Variants in GTSE1 observed in about 807,000 individuals in gnomAD.
GTSE1 encodes the protein G2 and S-phase expressed 1.
Under a neutral mutation model 60.5 loss-of-function variants are expected in GTSE1, and 52 were observed. The observed-to-expected ratio is 0.86, with a 90% confidence interval of 0.69 to 1.08. The LOEUF is 1.08. Among genes scored for constraint, GTSE1 ranks in the 50% least tolerant of loss-of-function variants. The probability of loss-of-function intolerance (pLI) is 0.00; values close to 1 mark genes in which losing one functional copy is unlikely to be tolerated. For synonymous variants in GTSE1, 368 were observed against 386.5 expected, an observed-to-expected ratio of 0.95 and a Z score of 0.56; for missense variants, 937 against 961.8, an observed-to-expected ratio of 0.97 and a Z score of 0.34.
At chr22:46,326,306 A>G in intron 8 of GTSE1, 130 bp from the exon 9 acceptor site, 1 of 699,100 alleles carries the variant, frequency 1.4e-6, no homozygotes, top group Non-Finnish European at 2.3e-6. Context: ...CGGAGCTCAC[A>G]CGGGCTCCCT....
rs945990548 is a variant in GTSE1 at position 46,309,070 on chromosome 22, C to T, written c.762+127C>T. ...CTGAGGCCTACAAAACACAGGAATG[C>T]GGAGTCCAGGAAAAGCAGTTGCCAA... On this transcript the variant is annotated intron_variant, in intron 4 of 11. Coordinates refer to ENST00000454366, the MANE Select transcript of GTSE1 (RefSeq NM_016426.7). The surrounding 1 kb of genome is among the most constrained non-coding windows in gnomAD (Gnocchi z 6.2). 14 of 1,072,350 alleles carry T rather than the reference C, an allele frequency of 1.3e-5. No individual in the cohort carries two copies. The highest frequency in any genetic ancestry group is 5.8e-5 in the Admixed American group (2 of 34,732). The allele number at this position is 1,072,350 out of a possible 1,614,324, so 66.4% of individuals were successfully genotyped here. A position where few individuals can be genotyped will look rare whatever the true frequency, so the allele number is the denominator to read the frequency against.
In GTSE1 at chr22:46,310,085, G is replaced by A. The variant is rs2077739911; in HGVS notation, c.762+1142G>A. Among the ~76,000 whole-genome samples, 1 of 152,230 alleles carries A rather than the reference G, an allele frequency of 6.6e-6. No individual in the cohort carries two copies. The highest frequency in any genetic ancestry group is 2.4e-5 in the African/African-American group (1 of 41,462). Reference sequence around the variant, plus strand: ...GTCCGCACAGCTGAGATGCACTCATGCACACGTGGGAGCCCCACCATGTCC... The same window carrying A: ...GTCCGCACAGCTGAGATGCACTCATACACACGTGGGAGCCCCACCATGTCC... On this transcript the variant is annotated intron_variant, in intron 4 of 11. Coordinates refer to ENST00000454366, the MANE Select transcript of GTSE1 (RefSeq NM_016426.7). The surrounding 1 kb of genome is among the most constrained non-coding windows in gnomAD (Gnocchi z 4.4).
At position 46,317,002 on chromosome 22, in the gene GTSE1, C is replaced by T. The variant is rs1601911214; in HGVS notation, c.1432+590C>T. Reference sequence around the variant, plus strand: ...TTTGAGACGGAGTCTCGCTCTGTCACCCAGGGTGGAATGCAGTGGCGCGAT... The same window carrying T: ...TTTGAGACGGAGTCTCGCTCTGTCATCCAGGGTGGAATGCAGTGGCGCGAT... On this transcript the variant is annotated intron_variant, in intron 7 of 11. Transcript: ENST00000454366. This position sits in a 1 kb window ranked among gnomAD's most constrained non-coding sequence, Gnocchi z 5.6. Among the ~76,000 whole-genome samples, 1 of 151,734 alleles carries T rather than the reference C, an allele frequency of 6.6e-6. No individual in the cohort carries two copies. The highest frequency in any genetic ancestry group is 1.5e-5 in the Non-Finnish European group (1 of 67,986).
intron 2 of GTSE1, among the ~76,000 whole-genome samples, chr22:46,302,063 T>A (rs1364253079): frequency 6.6e-6 from 1 of 152,082 alleles, no homozygotes; most frequent in Non-Finnish European, 1.5e-5. Flanking sequence ...AGGCAGAGGT[T>A]GCGGTGAGCC....
chr22:46,302,169 A>G (rs1464172896), intron 2 of GTSE1, among the ~76,000 whole-genome samples: 1 of 152,038 alleles, frequency 6.6e-6, no homozygotes, highest in Admixed American at 6.6e-5. Context: ...GTTTTGTTTT[A>G]TTTTCTGTGA....
In GTSE1 at chr22:46,313,746, A is replaced by G; in HGVS notation, c.928-144A>G. 1 of 747,834 alleles carries G rather than the reference A, an allele frequency of 1.3e-6. No individual in the cohort carries two copies. 46.3% of individuals were successfully genotyped at this position (747,834 alleles called of 1,614,324 possible). A position where few individuals can be genotyped will look rare whatever the true frequency, so the allele number is the denominator to read the frequency against. The stretch of plus-strand genomic sequence containing the variant: ...CTGGTCTCAAACTCCTGACCTTGTG[A>G]TCCTCCGGCCTCAGCCTCCCAAAGT... On this transcript the variant is annotated intron_variant, in intron 5 of 11. Coordinates refer to ENST00000454366, the MANE Select transcript of GTSE1 (RefSeq NM_016426.7). The surrounding 1 kb of genome is among the most constrained non-coding windows in gnomAD (Gnocchi z 4.4).
Position 46,297,194 on chromosome 22 carries a change from G to T in GTSE1, c.-21-186G>T, listed in dbSNP as rs1275586847. Reference sequence around the variant, plus strand: ...TCTGATGGCGTTCGGGCTGACTCCCGGCCTGGCGGCACTCGGGCCCTGGGG... The same window carrying T: ...TCTGATGGCGTTCGGGCTGACTCCCTGCCTGGCGGCACTCGGGCCCTGGGG... On this transcript the variant is annotated intron_variant, in intron 1 of 11. Coordinates refer to ENST00000454366, the MANE Select transcript of GTSE1 (RefSeq NM_016426.7). This position sits in a 1 kb window ranked among gnomAD's most constrained non-coding sequence, Gnocchi z 4.9. Among the ~76,000 whole-genome samples the T allele has an allele frequency of 6.6e-6, 1 of 152,208 alleles. No homozygotes were observed. Among genetic ancestry groups the T allele is most frequent in the Non-Finnish European group, 1.5e-5 (1 of 68,030 alleles).
At position 46,319,153 on chromosome 22, in the gene GTSE1, GTAA is replaced by G. The variant is rs754452210; in HGVS notation, c.1432+2742_1432+2744del. 2.0e-5 allele frequency among the ~76,000 whole-genome samples: 3 copies of G among 152,206 alleles called. No homozygotes were observed. The highest frequency in any genetic ancestry group is 4.4e-5 in the Non-Finnish European group (3 of 68,032). On this transcript the variant is annotated intron_variant, in intron 7 of 11. Coordinates refer to ENST00000454366, the MANE Select transcript of GTSE1 (RefSeq NM_016426.7). This position sits in a 1 kb window ranked among gnomAD's most constrained non-coding sequence, Gnocchi z 5.0. ...AGCCAGTCAGTGACCGAGGGGCAGG[GTAA>G]GAAGAGATGAAGATGGAGGGGCAGC...
chr22:46,307,275 A>C (rs900236670), intron 2 of GTSE1, among the ~76,000 whole-genome samples: 2 of 152,202 alleles, frequency 1.3e-5, no homozygotes, highest in African/African-American at 4.8e-5. Context: ...CATTTGAGTA[A>C]TATTAAATTC....
chr22:46,300,323 C>T (rs762153018), intron 2 of GTSE1, among the ~76,000 whole-genome samples: 10 of 152,120 alleles, frequency 6.6e-5, no homozygotes, highest in Admixed American at 2.0e-4. Flanking sequence ...GTCTCGAACT[C>T]GACCTCAAGT....
chr22:46,326,655 G>A lies in GTSE1; in HGVS notation c.1724+1G>A. The A allele has an allele frequency of 6.3e-7, 1 of 1,592,808 alleles. No homozygotes were observed. The highest frequency in any genetic ancestry group is 8.6e-7 in the Non-Finnish European group (1 of 1,165,546). On this transcript the variant is annotated splice_donor_variant, in intron 9 of 11. Transcript: ENST00000454366. LOFTEE classifies it high-confidence loss of function. Reference sequence around the variant, plus strand: ...AGCCCCGCAAGAACTCTGCAATGAGGTAAGACACGAAGGTGGTAATAAATT... The same window carrying A: ...AGCCCCGCAAGAACTCTGCAATGAGATAAGACACGAAGGTGGTAATAAATT...
chr22:46,330,213 G>A lies in GTSE1; in HGVS notation c.*83G>A. The A allele has an allele frequency of 2.4e-6, 2 of 826,560 alleles. No individual in the cohort carries two copies. Among genetic ancestry groups the A allele is most frequent in the Non-Finnish European group, 4.2e-6 (2 of 473,164 alleles). 51.2% of individuals were successfully genotyped at this position (826,560 alleles called of 1,614,324 possible). ...AAACAAGCTTTAGGCTGGTCGCAGT[G>A]GCTTACACTTGTAACCCTAGAACTT... On this transcript the variant is annotated 3_prime_UTR_variant, in exon 12 of 12. Transcript: ENST00000454366. This position sits in a 1 kb window ranked among gnomAD's most constrained non-coding sequence, Gnocchi z 6.0.
chr22:46,326,765 T>G, intron 9 of GTSE1, 111 bp downstream of exon 9: 1 of 678,682 alleles, frequency 1.5e-6, no homozygotes, highest in East Asian at 2.9e-5. Context: ...GTAAATAGTA[T>G]TTGGAAAGTT....
chr22:46,308,914 G>A lies in GTSE1; in HGVS notation c.733G>A (p.Gly245Arg), dbSNP rs748370009. ...GCTGCCTCGAGCGGCCTCTGTTAGAGGAAGAAGCATCCCTGGGGCTGCGGA... is the reference window on the plus strand; with the variant it reads ...GCTGCCTCGAGCGGCCTCTGTTAGAAGAAGAAGCATCCCTGGGGCTGCGGA... Reference protein sequence around the residue: ...LLLPRAASVRGRSIPGAAEKP... With the variant: ...LLLPRAASVRRRSIPGAAEKP... Residue 245 changes from glycine (G) to arginine (R), a missense_variant, in exon 4 of 12, where the codon GGA (glycine) becomes AGA (arginine). Physicochemically the swap from Gly to Arg is moderately radical, Grantham distance 125. Transcript: ENST00000454366. 1 of 1,612,464 alleles carries A rather than the reference G, an allele frequency of 6.2e-7. No homozygotes were observed. Among genetic ancestry groups the A allele is most frequent in the African/African-American group, 1.3e-5 (1 of 75,064 alleles).
chr22:46,308,335 GA>G lies in GTSE1; in HGVS notation c.156del (p.Val53SerfsTer19). 1 of 1,612,714 alleles carries G rather than the reference GA, an allele frequency of 6.2e-7. No individual in the cohort carries two copies. Among genetic ancestry groups the G allele is most frequent in the Non-Finnish European group, 8.5e-7 (1 of 1,178,826 alleles). On this transcript the variant is annotated frameshift_variant, in exon 4 of 12. Coordinates refer to ENST00000454366, the MANE Select transcript of GTSE1 (RefSeq NM_016426.7). LOFTEE classifies it high-confidence loss of function. Reference sequence around the variant, plus strand: ...AACAAATAGTGCAAATGAAGATGATGAAGTCTTCTTCGGACCCTTTGGACAT... The same window carrying G: ...AACAAATAGTGCAAATGAAGATGATGAGTCTTCTTCGGACCCTTTGGACAT... ...LSSSSANEDD[E>X]VFFGPFGHKE...
At chr22:46,311,343 G>A (rs969660001) in intron 4 of GTSE1, among the ~76,000 whole-genome samples, 2 of 152,224 alleles carry the variant, frequency 1.3e-5, no homozygotes, top group African/African-American at 2.4e-5. Flanking sequence ...CTCACAAAGT[G>A]CTGGGATTAC....
intron 2 of GTSE1, among the ~76,000 whole-genome samples, chr22:46,302,878 A>AT (rs2077696743): frequency 7.3e-6 from 1 of 136,488 alleles, no homozygotes; most frequent in African/African-American, 2.7e-5. Flanking sequence ...TTTTAATACC[A>AT]TTTTTTCACT....
In GTSE1 at chr22:46,313,983, A is replaced by G. The variant is rs984530855; in HGVS notation, c.1021A>G (p.Ser341Gly). 6.2e-7 allele frequency: 1 copy of G among 1,614,066 alleles called. No individual in the cohort carries two copies. The highest frequency in any genetic ancestry group is 8.5e-7 in the Non-Finnish European group (1 of 1,180,016). Residue 341 changes from serine (S) to glycine (G), a missense_variant, in exon 6 of 12, where the codon AGT (serine) becomes GGT (glycine). Coordinates refer to ENST00000454366, the MANE Select transcript of GTSE1 (RefSeq NM_016426.7). This position sits in a 1 kb window ranked among gnomAD's most constrained non-coding sequence, Gnocchi z 4.4. Reference sequence around the variant, plus strand: ...GGGGCCTGTTTGGAGCGGGGCATCCAGTGCGTGCACATCCCCAGCAGTGGG... The same window carrying G: ...GGGGCCTGTTTGGAGCGGGGCATCCGGTGCGTGCACATCCCCAGCAGTGGG... ...SSGPVWSGAS[S>G]ACTSPAVGKA... is the part of the protein sequence containing the mutation.
chr22:46,315,615 C>G (rs2077774357), intron 6 of GTSE1, among the ~76,000 whole-genome samples: 1 of 152,228 alleles, frequency 6.6e-6, no homozygotes, highest in Non-Finnish European at 1.5e-5. Flanking sequence ...ATGACGCAGC[C>G]TCCTTGTAAT....
Sources: allele counts gnomAD v4.1 joint callset (sites outside exome capture counted in the v4.1 genomes callset), GRCh38; gene constraint gnomAD v4.1.1; non-coding constraint Gnocchi (gnomAD v3.1); transcripts MANE v1.5; gene names NCBI Gene and HGNC (gene_info 2026-07-23, HGNC 2026-07-21).